Variants in EYS observed in about 807,000 individuals in gnomAD.
EYS encodes the protein EGF-like photoreceptor maintenance factor.
In EYS, 250 loss-of-function variants were observed where a neutral mutation model predicts 282.1. The ratio of observed to expected loss-of-function variants is 0.89; its 90% CI spans 0.80 to 0.98. EYS has a LOEUF of 0.98. Ranked by LOEUF, EYS falls within the 50% of genes least tolerant of loss-of-function variation. The pLI is 0.00. For missense variants in EYS, 4,016 were observed against 3,709.0 expected, an observed-to-expected ratio of 1.08 and a Z score of -2.15; for synonymous variants, 1,355 against 1,282.9, an observed-to-expected ratio of 1.06 and a Z score of -1.20.
At chr6:64,771,012 T>C (rs542716512) in intron 22 of EYS, among the ~76,000 whole-genome samples, 16 of 151,882 alleles carry the variant, frequency 1.1e-4, no homozygotes, top group Admixed American at 8.6e-4. Flanking sequence ...CTGTTTGAAA[T>C]TTCCTTGATA....
intron 35 of EYS, among the ~76,000 whole-genome samples, chr6:63,968,603 G>A (rs1766414118): frequency 1.3e-5 from 2 of 152,180 alleles, no homozygotes; most frequent in Admixed American, 1.3e-4. Context: ...TTGAATATTA[G>A]CTATGCGATC....
rs528003241 is a variant in EYS, at chr6:64,546,615, C to A, written c.5644+43608G>T. Among the ~76,000 whole-genome samples, 244 of 152,300 alleles carry A rather than the reference C, an allele frequency of 1.6e-3. 8 individuals are homozygous for A. In the South Asian group the frequency reaches 0.048, roughly 30 times the overall value. On this transcript the variant is annotated intron_variant, in intron 26 of 42. Transcript: ENST00000503581. The stretch of plus-strand genomic sequence containing the variant: ...CAGAATGGGAGAAAGTTTTTGCAAT[C>A]TACTCATCTGACAAAGGGCTAATAT...
In EYS at chr6:65,495,074, C is replaced by T. The variant is rs762031834; in HGVS notation, c.337G>A (p.Gly113Ser). 2 of 1,614,130 alleles carry T rather than the reference C, an allele frequency of 1.2e-6. No homozygotes were observed. The highest frequency in any genetic ancestry group is 2.2e-5 in the East Asian group (1 of 44,874). Reference sequence around the variant, plus strand: ...TCCGTTGTGGTATTTTGCACACAGCCAACGAAAGATGTTTCAGAAACATTC... The same window carrying T: ...TCCGTTGTGGTATTTTGCACACAGCTAACGAAAGATGTTTCAGAAACATTC... ...LMNVSETSFV[G>S]CVQNTTTEDQ... Residue 113 changes from glycine (G) to serine (S), a missense_variant, in exon 4 of 43, where the codon GGC becomes AGC. Transcript: ENST00000503581.
chr6:63,727,146 A>C (rs915330976), intron 41 of EYS, among the ~76,000 whole-genome samples: 5 of 151,042 alleles, frequency 3.3e-5, no homozygotes, highest in African/African-American at 7.3e-5. Context: ...ATAAGGCATA[A>C]TATATTGATT....
chr6:64,896,275 C>G (rs144253632), intron 18 of EYS, among the ~76,000 whole-genome samples: 26 of 152,134 alleles, frequency 1.7e-4, no homozygotes, highest in African/African-American at 6.0e-4. Flanking sequence ...GGGTACAGCC[C>G]ACGGAGGGCA....
intron 33 of EYS, among the ~76,000 whole-genome samples, chr6:64,038,624 T>G (rs1770237094): frequency 1.3e-5 from 2 of 151,962 alleles, no homozygotes; most frequent in African/African-American, 4.8e-5. Flanking sequence ...TTTTATAAAA[T>G]TAAGTAAAAA....
At chr6:64,530,442 T>C (rs1764289611) in intron 26 of EYS, among the ~76,000 whole-genome samples, 1 of 152,062 alleles carries the variant, frequency 6.6e-6, no homozygotes, top group African/African-American at 2.4e-5. Flanking sequence ...TGAAATATAT[T>C]AAAATTTTGT....
chr6:64,453,027 A>G (rs1382095958), intron 26 of EYS, among the ~76,000 whole-genome samples: 1 of 152,212 alleles, frequency 6.6e-6, no homozygotes. Context: ...ATTAAACTAA[A>G]GAGCTTCTGC....
intron 13 of EYS, among the ~76,000 whole-genome samples, chr6:65,014,321 C>T (rs187791708): frequency 2.6e-4 from 39 of 152,284 alleles, no homozygotes; most frequent in African/African-American, 8.4e-4. Context: ...TCAGTTAAAC[C>T]ATTCACAGAT....
At chr6:65,706,124 C>T (rs544823306) in intron 1 of EYS, among the ~76,000 whole-genome samples, 2 of 151,492 alleles carry the variant, frequency 1.3e-5, no homozygotes, top group South Asian at 4.2e-4. Flanking sequence ...TTTTAGAAAT[C>T]ACATTTAATA....
At chr6:63,948,463 G>C (rs12203537) in intron 35 of EYS, among the ~76,000 whole-genome samples, 34,251 of 152,170 alleles carry the variant, frequency 0.23, 4,828 homozygotes, top group Admixed American at 0.34. Flanking sequence ...ACTGATGCCT[G>C]CCTCCAGTAG....
At position 63,836,574 on chromosome 6, in the gene EYS, T is replaced by C. The variant is rs148406045; in HGVS notation, c.7228+27612A>G. 8.5e-5 allele frequency among the ~76,000 whole-genome samples: 13 copies of C among 152,120 alleles called. No homozygotes were observed. In the East Asian group the frequency reaches 2.3e-3, roughly 27 times the overall value. On this transcript the variant is annotated intron_variant, in intron 36 of 42. Coordinates refer to ENST00000503581, the MANE Select transcript of EYS (RefSeq NM_001142800.2). Reference sequence around the variant, plus strand: ...TCAGCGGTAGAAAAAGTCATTGTTCTAAAAAGTAGAAAGAAAATATCAAAT... The same window carrying C: ...TCAGCGGTAGAAAAAGTCATTGTTCCAAAAAGTAGAAAGAAAATATCAAAT...
At chr6:65,120,045 A>G (rs191045727) in intron 12 of EYS, among the ~76,000 whole-genome samples, 2,240 of 150,818 alleles carry the variant, frequency 0.015, 28 homozygotes, top group Non-Finnish European at 0.022. Flanking sequence ...CCAGCTACTC[A>G]GGAGGCTGAG....
At chr6:64,312,243 C>T (rs1460147046) in intron 29 of EYS, among the ~76,000 whole-genome samples, 1 of 152,080 alleles carries the variant, frequency 6.6e-6, no homozygotes, top group Non-Finnish European at 1.5e-5. Flanking sequence ...TTTACCCTCA[C>T]AGTGTAAACA....
intron 16 of EYS, among the ~76,000 whole-genome samples, chr6:64,904,038 A>G (rs1230199735): frequency 6.6e-6 from 1 of 152,226 alleles, no homozygotes; most frequent in Non-Finnish European, 1.5e-5. Context: ...ATGATTTTTA[A>G]AAACGCCAAT....
At chr6:65,143,817 A>T (rs559088164) in intron 12 of EYS, among the ~76,000 whole-genome samples, 1 of 152,136 alleles carries the variant, frequency 6.6e-6, no homozygotes, top group Non-Finnish European at 1.5e-5. Context: ...ATTTATCTTT[A>T]TTCTTATTGC....
At chr6:65,196,695 G>A (rs1248130025) in intron 12 of EYS, among the ~76,000 whole-genome samples, 2 of 152,080 alleles carry the variant, frequency 1.3e-5, no homozygotes, top group African/African-American at 2.4e-5. Context: ...GAAAACTAAA[G>A]CAGTAAGAGC....
intron 28 of EYS, among the ~76,000 whole-genome samples, chr6:64,404,930 G>A (rs1462237875): frequency 6.6e-6 from 1 of 152,048 alleles, no homozygotes; most frequent in African/African-American, 2.4e-5. Context: ...GGGAAAATGG[G>A]ATTAGAGAAA....
intron 26 of EYS, among the ~76,000 whole-genome samples, chr6:64,585,445 C>T (rs755667091): frequency 6.6e-6 from 1 of 152,084 alleles, no homozygotes; most frequent in Admixed American, 6.6e-5. Context: ...AACCTGCACA[C>T]ATACCCACTG....
Sources: gnomAD v4.1 joint callset for allele counts (sites outside exome capture counted in the v4.1 genomes callset) on GRCh38, gnomAD v4.1.1 for gene constraint, MANE v1.5 for transcripts, NCBI Gene and HGNC (gene_info 2026-07-23, HGNC 2026-07-21) for gene names.